The following SETD9 variants were observed in gnomAD, a reference collection of about 807,000 sequenced individuals.
SETD9 encodes SET domain containing 9.
SETD9 carries 37 observed loss-of-function variants against 36.4 expected under a neutral mutation model. That is an observed-to-expected ratio of 1.02 (90% confidence interval 0.78 to 1.34). The LOEUF (loss-of-function observed/expected upper bound fraction) is 1.34, where lower values mean the gene tolerates loss of function less well. SETD9 is among the 40% of genes most tolerant of loss of function. The pLI is 0.00. For missense variants in SETD9, 323 were observed against 353.2 expected (o/e 0.91, Z 0.69); for synonymous variants, 128 against 132.9 (o/e 0.96, Z 0.26).
At chr5:56,923,830 G>C in intron 5 of SETD9, 1 of 1,614,078 alleles carries the variant, frequency 6.2e-7, no homozygotes, top group Non-Finnish European at 8.5e-7. Flanking sequence ...GATCCATATA[G>C]TCCCTGAAAA....
chr5:56,915,074 A>T (rs1749359868), intron 5 of SETD9, 108 bp downstream of exon 5: 1 of 641,674 alleles, frequency 1.6e-6, no homozygotes, highest in Non-Finnish European at 2.4e-6. Context: ...TTTTAGTGAA[A>T]AATTATAACT....
chr5:56,909,936 G>C, intron 1 of SETD9, 193 bp downstream of exon 1: 1 of 1,102,266 alleles, frequency 9.1e-7, no homozygotes, highest in Non-Finnish European at 1.2e-6. Context: ...AGGAACGCGG[G>C]CCAGAGGCGG....
downstream of SETD9, chr5:56,920,246 G>A (rs1749605115): frequency 6.6e-6 from 1 of 152,394 alleles, no homozygotes; most frequent in African/African-American, 2.4e-5. Flanking sequence ...CATGACAAGA[G>A]GAAAACTAAA....
At chr5:56,924,666 AAAC>A (rs1375929724) in intron 5 of SETD9, among the ~76,000 whole-genome samples, 10 of 152,168 alleles carry the variant, frequency 6.6e-5, no homozygotes, top group South Asian at 2.1e-4. Context: ...CAGATTTTGG[AAAC>A]AACAACAATA....
At position 56,914,776 on chromosome 5, in the gene SETD9, C is replaced by T. The variant is rs1749341629; in HGVS notation, c.707-85C>T. On this transcript the variant is annotated intron_variant, in intron 4 of 5. Transcript: ENST00000285947. Reference sequence around the variant, plus strand: ...ATCATGTTTTGATAATTTAGAAAAACAGACATTGAGTGTCATAATTCAATT... The same window carrying T: ...ATCATGTTTTGATAATTTAGAAAAATAGACATTGAGTGTCATAATTCAATT... 1.3e-5 allele frequency: 11 copies of T among 846,482 alleles called. No homozygotes were observed. The South Asian group carries it at 2.4e-4, about 18-fold the overall frequency. 52.4% of individuals were successfully genotyped at this position (846,482 alleles called of 1,614,324 possible). A position where few individuals can be genotyped will look rare whatever the true frequency, so the allele number is the denominator to read the frequency against.
chr5:56,911,222 A>G lies in SETD9; in HGVS notation c.152A>G (p.Asp51Gly). The G allele has an allele frequency of 1.9e-6, 3 of 1,584,948 alleles. No individual in the cohort carries two copies. The highest frequency in any genetic ancestry group is 2.6e-6 in the Non-Finnish European group (3 of 1,169,286). Residue 51 changes from aspartate to glycine, a missense_variant, in exon 2 of 6, where the codon GAT becomes GGT. Coordinates refer to ENST00000285947, the MANE Select transcript of SETD9 (RefSeq NM_153706.4). ...AAAGACAAAGTTATCTCAGATGAAGATGTCCTAGGAACATTACTGAAAGTT... is the reference window on the plus strand; with the variant it reads ...AAAGACAAAGTTATCTCAGATGAAGGTGTCCTAGGAACATTACTGAAAGTT... ...ESKDKVISDE[D>G]VLGTLLKVFQ...
downstream of SETD9, among the ~76,000 whole-genome samples, chr5:56,926,661 C>T (rs1749998255): frequency 1.3e-5 from 2 of 151,222 alleles, no homozygotes. Context: ...GACAGTTTGG[C>T]AGTTTCATGC....
downstream of SETD9, chr5:56,920,465 G>T (rs1309456405): frequency 1.3e-5 from 2 of 152,288 alleles, no homozygotes; most frequent in Admixed American, 6.6e-5. Context: ...AAAACAAAAA[G>T]AATTTATCAC....
In SETD9 at chr5:56,911,317, A is replaced by T; in HGVS notation, c.247A>T (p.Lys83Ter). 1 of 1,611,730 alleles carries T rather than the reference A, an allele frequency of 6.2e-7. No homozygotes were observed. Among genetic ancestry groups the T allele is most frequent in the Non-Finnish European group, 8.5e-7 (1 of 1,179,186 alleles). ...EILSMLPESV[K>*]SKYQDLLAVE... ...CTTGTCTATGCTTCCAGAATCTGTT[A>T]AATCAAAATATCAAGACCTACTGGC... Residue 83 changes from lysine (K) to a stop codon, truncating the protein, a stop_gained, in exon 2 of 6, where the codon AAA becomes TAA. Transcript: ENST00000285947. LOFTEE classifies it high-confidence loss of function.
intron 5 of SETD9, among the ~76,000 whole-genome samples, chr5:56,924,887 T>G (rs16886497): frequency 6.6e-6 from 1 of 152,208 alleles, no homozygotes; most frequent in South Asian, 2.1e-4. Flanking sequence ...ATTACTAATA[T>G]GGGAATAAGC....
chr5:56,919,145 A>AGAT (rs1749547848), downstream of SETD9, among the ~76,000 whole-genome samples: 2 of 57,770 alleles, frequency 3.5e-5, no homozygotes, highest in East Asian at 5.2e-4. Flanking sequence ...TTTTTTTTTG[A>AGAT]GATGGAGTCT....
downstream of SETD9, chr5:56,921,048 ACT>A (rs2112052875): frequency 6.6e-6 from 1 of 152,666 alleles, no homozygotes; most frequent in East Asian, 1.9e-4. Context: ...GATAAGAAAC[ACT>A]GTTTCCATCT....
chr5:56,923,844 C>A lies in SETD9; in HGVS notation c.813-1489C>A, dbSNP rs373281580. On this transcript the variant is annotated intron_variant, in intron 5 of 5. Coordinates refer to the SETD9 transcript ENST00000628593. ...CGATCCATATAGTCCCTGAAAAACA[C>A]ACCCCAGTAATTTTATGACTATATA... The A allele has an allele frequency of 3.5e-4, 561 of 1,613,990 alleles. 1 individual carries two copies. The highest frequency in any genetic ancestry group is 4.7e-4 in the Non-Finnish European group (554 of 1,180,004).
At chr5:56,916,431 C>A (rs1360508219) in intron 5 of SETD9, among the ~76,000 whole-genome samples, 14 of 152,182 alleles carry the variant, frequency 9.2e-5, no homozygotes, top group African/African-American at 3.1e-4. Flanking sequence ...CAGAAAAAAG[C>A]ATTTTTTTAA....
chr5:56,909,329 A>T (rs1748965436), upstream of SETD9: 1 of 255,592 alleles, frequency 3.9e-6, no homozygotes, highest in Non-Finnish European at 7.4e-6. Context: ...TTCGCCCCTG[A>T]GGCCCGGTGA....
chr5:56,912,960 T>C (rs746267509), intron 2 of SETD9, 51 bp from the exon 3 acceptor site: 2 of 1,576,226 alleles, frequency 1.3e-6, no homozygotes, highest in Non-Finnish European at 1.7e-6. Context: ...TATCGCAGTG[T>C]TTATGATTTT....
In SETD9 at chr5:56,911,532, T is replaced by G; in HGVS notation, c.462T>G (p.Tyr154Ter). The G allele has an allele frequency of 6.5e-7, 1 of 1,547,490 alleles. No homozygotes were observed. Among genetic ancestry groups the G allele is most frequent in the South Asian group, 1.2e-5 (1 of 80,430 alleles). Reference sequence around the variant, plus strand: ...CAAAAGGCGCAGTCGTATCTATGTATCCTGGTAACAGCACGATTAATATTA... The same window carrying G: ...CAAAAGGCGCAGTCGTATCTATGTAGCCTGGTAACAGCACGATTAATATTA... ...LVPKGAVVSM[Y>*]PGTVYQKYEP... is the part of the protein sequence containing the mutation. The change falls in exon 2 of 6, where the codon TAT becomes TAG. Residue 154 changes from tyrosine (Y) to a stop codon, truncating the protein, a stop_gained. Transcript: ENST00000285947. LOFTEE classifies it high-confidence loss of function.
intron 1 of SETD9, chr5:56,910,445 G>T: frequency 1.6e-6 from 2 of 1,260,212 alleles, no homozygotes; most frequent in Non-Finnish European, 2.1e-6. Context: ...GCTCAACACC[G>T]TGCTCACCAA....
At chr5:56,913,260 T>C (rs959747353) in intron 3 of SETD9, 126 bp downstream of exon 3, 32 of 1,169,288 alleles carry the variant, frequency 2.7e-5, no homozygotes, top group East Asian at 2.8e-5. Context: ...TGCTATGTTG[T>C]CCAGGCTGGT....
Sources: allele counts gnomAD v4.1 joint callset (sites outside exome capture counted in the v4.1 genomes callset), GRCh38; gene constraint gnomAD v4.1.1; transcripts MANE v1.5; gene names NCBI Gene and HGNC (gene_info 2026-07-23, HGNC 2026-07-21).